The following PNMA1 variants were observed in gnomAD, a reference collection of about 807,000 sequenced individuals.
The protein encoded by PNMA1 is PNMA family member 1, also known as paraneoplastic antigen Ma1.
Under a neutral mutation model 26.1 loss-of-function variants are expected in PNMA1, and 21 were observed. The observed-to-expected ratio is 0.80, with a 90% CI of 0.57 to 1.16. The LOEUF (loss-of-function observed/expected upper bound fraction) is 1.16. Among genes scored for constraint, PNMA1 ranks in the 50% most tolerant of loss-of-function variants. The probability of loss-of-function intolerance (pLI) is 0.00; values close to 1 mark genes in which losing one functional copy is unlikely to be tolerated. For missense variants in PNMA1, 435 were observed against 437.3 expected, an observed-to-expected ratio of 0.99 and a Z score of 0.05; for synonymous variants, 189 against 177.3, an observed-to-expected ratio of 1.07 and a Z score of -0.52.
Position 73,713,069 on chromosome 14 carries a change from ACTC to A in PNMA1, c.568_570del (p.Glu190del), listed in dbSNP as rs1221561562. 6.2e-7 allele frequency: 1 copy of A among 1,613,488 alleles called. No homozygotes were observed. Among genetic ancestry groups the A allele is most frequent in the African/African-American group, 1.3e-5 (1 of 74,754 alleles). On this transcript the variant is annotated inframe_deletion, in exon 1 of 1. Coordinates refer to ENST00000316836, the MANE Select transcript of PNMA1 (RefSeq NM_006029.5). ...CTCTTTTCTACATCGGACACCTGCC[ACTC>A]CTCTAGGACCTCATTAGTGTGCTCC...
chr14:73,713,500 G>C lies in PNMA1; in HGVS notation c.140C>G (p.Ser47Cys). 1 of 1,614,170 alleles carries C rather than the reference G, an allele frequency of 6.2e-7. No homozygotes were observed. Among genetic ancestry groups the C allele is most frequent in the Non-Finnish European group, 8.5e-7 (1 of 1,180,034 alleles). Residue 47 changes from serine to cysteine, a missense_variant, in exon 1 of 1, where the codon TCC becomes TGC. By Grantham distance (112) the Ser-to-Cys change is moderately radical (BLOSUM62 -1). Coordinates refer to ENST00000316836, the MANE Select transcript of PNMA1 (RefSeq NM_006029.5). ...GAACATTCTCCCAAGCATTCGGTAG[G>C]AGACCTGGGGCATCGCAGCCTGGAG... ...ETLQAAMPQV[S>C]YRMLGRMFWR...
rs144269664 is a variant in PNMA1 at position 73,712,913 on chromosome 14, A to G, written c.727T>C (p.Ser243Pro). 6.2e-7 allele frequency: 1 copy of G among 1,614,188 alleles called. No homozygotes were observed. The highest frequency in any genetic ancestry group is 1.1e-5 in the South Asian group (1 of 91,088). The change falls in exon 1 of 1, where the codon TCT becomes CCT. Residue 243 changes from serine (S) to proline (P), a missense_variant. Ser to Pro is a moderately conservative substitution (Grantham distance 74). Coordinates refer to ENST00000316836, the MANE Select transcript of PNMA1 (RefSeq NM_006029.5). ...AGAAATTTGATCTGGGCATCCCTAG[A>G]GCTCTCAACGCTCCCAAACACCTGC... ...LEQVFGSVESSRDAQIKFLNT... is the reference protein window; with the variant it reads ...LEQVFGSVESPRDAQIKFLNT...
chr14:73,713,418 G>C lies in PNMA1; in HGVS notation c.222C>G (p.Tyr74Ter), dbSNP rs1357480430. The C allele has an allele frequency of 1.2e-6, 2 of 1,614,090 alleles. No homozygotes were observed. Among genetic ancestry groups the C allele is most frequent in the Non-Finnish European group, 1.7e-6 (2 of 1,179,998 alleles). ...ALLELTGAVDYAAIPREMPGK... is the reference protein window; with the variant it reads ...ALLELTGAVD ...CCGGCATCTCCCTGGGGATCGCGGC[G>C]TAATCTACAGCGCCAGTGAGCTCTA... is the stretch of plus-strand genomic sequence containing the variant. Residue 74 changes from tyrosine to a stop codon, truncating the protein, a stop_gained, in exon 1 of 1, where the codon TAC becomes TAG. Coordinates refer to ENST00000316836, the MANE Select transcript of PNMA1 (RefSeq NM_006029.5). LOFTEE classifies it high-confidence loss of function.
chr14:73,713,687 C>A lies in PNMA1; in HGVS notation c.-48G>T. On this transcript the variant is annotated 5_prime_UTR_variant, in exon 1 of 1. Transcript: ENST00000316836. ...AATTCTACCAACAGACTGTGGCTCACCGTGCTCCTGGCCTTAGAACAATAC... is the reference window on the plus strand; with the variant it reads ...AATTCTACCAACAGACTGTGGCTCAACGTGCTCCTGGCCTTAGAACAATAC... 2 of 1,533,462 alleles carry A rather than the reference C, an allele frequency of 1.3e-6. No homozygotes were observed. The highest frequency in any genetic ancestry group is 1.8e-6 in the Non-Finnish European group (2 of 1,129,444). The allele number at this position is 1,533,462 out of a possible 1,614,324, so 95.0% of individuals were successfully genotyped here. A position where few individuals can be genotyped will look rare whatever the true frequency, so the allele number is the denominator to read the frequency against.
rs928506842 is a variant in PNMA1, at chr14:73,713,540, C to T, written c.100G>A (p.Glu34Lys). ...WGIPVNCDEAEIEETLQAAMP... is the reference protein window; with the variant it reads ...WGIPVNCDEAKIEETLQAAMP... Reference sequence around the variant, plus strand: ...GCAGCCTGGAGGGTCTCTTCGATTTCAGCCTCATCACAGTTCACTGGGATG... The same window carrying T: ...GCAGCCTGGAGGGTCTCTTCGATTTTAGCCTCATCACAGTTCACTGGGATG... Residue 34 changes from glutamate to lysine, a missense_variant, in exon 1 of 1, where the codon GAA becomes AAA. By Grantham distance (56) the Glu-to-Lys change is moderately conservative. Coordinates refer to ENST00000316836, the MANE Select transcript of PNMA1 (RefSeq NM_006029.5). 3.7e-6 allele frequency: 6 copies of T among 1,614,142 alleles called. No homozygotes were observed. Among genetic ancestry groups the T allele is most frequent in the Non-Finnish European group, 5.1e-6 (6 of 1,180,008 alleles).
Position 73,713,366 on chromosome 14 carries a change from AT to A in PNMA1, c.273del (p.Leu91PhefsTer12). ...TCAGCATCAGAAGTTGGGGGCTTAA[AT>A]AACACTTTCCAGACCCCTCCTTTGC... is the stretch of plus-strand genomic sequence containing the variant. Reference protein sequence around the residue: ...MPGKGGVWKVLFKPPTSDAEF... With the variant: ...MPGKGGVWKVXFKPPTSDAEF... On this transcript the variant is annotated frameshift_variant, in exon 1 of 1. Transcript: ENST00000316836. LOFTEE classifies it high-confidence loss of function. The A allele has an allele frequency of 6.2e-7, 1 of 1,614,172 alleles. No individual in the cohort carries two copies. The highest frequency in any genetic ancestry group is 8.5e-7 in the Non-Finnish European group (1 of 1,180,048).
In PNMA1 at chr14:73,713,055, A is replaced by G. The variant is rs754181535; in HGVS notation, c.585T>C (p.Asp195=). ...CCATCAACCGCCGCCTCTTTTCTAC[A>G]TCGGACACCTGCCACTCCTCTAGGA... is the stretch of plus-strand genomic sequence containing the variant. ...NEVLEEWQVS[D]VEKRRRLMES... The change falls in exon 1 of 1, where the codon GAT becomes GAC. Residue 195 remains aspartate (D), a synonymous_variant. Transcript: ENST00000316836. The G allele has an allele frequency of 1.2e-6, 2 of 1,613,638 alleles. No individual in the cohort carries two copies. Among genetic ancestry groups the G allele is most frequent in the Admixed American group, 1.7e-5 (1 of 59,984 alleles).
Position 73,712,991 on chromosome 14 carries a change from G to C in PNMA1, c.649C>G (p.Leu217Val). 6.2e-7 allele frequency: 1 copy of C among 1,614,174 alleles called. No homozygotes were observed. The highest frequency in any genetic ancestry group is 8.5e-7 in the Non-Finnish European group (1 of 1,180,044). Residue 217 changes from leucine (L) to valine (V), a missense_variant, in exon 1 of 1, where the codon CTT becomes GTT. Coordinates refer to ENST00000316836, the MANE Select transcript of PNMA1 (RefSeq NM_006029.5). ...GTTATCGCGGGGTTGTTGGACTTAA[G>C]GATGCGAATAACATCAGCGGCGGGG... The part of the protein sequence containing the change: ...RGPAADVIRI[L>V]KSNNPAITTA...
Position 73,713,876 on chromosome 14 carries a change from T to C in PNMA1, c.-237A>G, listed in dbSNP as rs1260295343. 2.3e-6 allele frequency: 1 copy of C among 437,710 alleles called. No individual in the cohort carries two copies. Among genetic ancestry groups the C allele is most frequent in the South Asian group, 5.4e-5 (1 of 18,464 alleles). 27.1% of individuals were successfully genotyped at this position (437,710 alleles called of 1,614,324 possible). A position where few individuals can be genotyped will look rare whatever the true frequency, so the allele number is the denominator to read the frequency against. ...AGGCAGTCACGCGGCCGTCGCCATC[T>C]TGCGTCTGGGTCTGGGTCCGGTCGG... On this transcript the variant is annotated 5_prime_UTR_variant, in exon 1 of 1. Coordinates refer to ENST00000316836, the MANE Select transcript of PNMA1 (RefSeq NM_006029.5).
At position 73,713,171 on chromosome 14, in the gene PNMA1, A is replaced by G. The variant is rs757737473; in HGVS notation, c.469T>C (p.Trp157Arg). 6.2e-7 allele frequency: 1 copy of G among 1,614,008 alleles called. No individual in the cohort carries two copies. Among genetic ancestry groups the G allele is most frequent in the Non-Finnish European group, 8.5e-7 (1 of 1,179,974 alleles). The change falls in exon 1 of 1, where the codon TGG becomes CGG. Residue 157 changes from tryptophan to arginine, a missense_variant. Trp to Arg is a moderately radical substitution (Grantham distance 101). Transcript: ENST00000316836. ...NVIQPLVESI[W>R]YKRLTLFSGR... ...GAGAAAAGTGTCAGCCTCTTGTACC[A>G]TATGGACTCAACAAGAGGCTGAATA...
rs1775912861 is a variant in PNMA1, at chr14:73,713,210, T to C, written c.430A>G (p.Ile144Val). ...PEMPAEMLNY[I>V]LDNVIQPLVE... is the part of the protein sequence containing the mutation. The stretch of plus-strand genomic sequence containing the variant: ...AGAGGCTGAATAACATTATCCAAAA[T>C]ATAGTTTAGCATCTCTGCTGGCATC... Residue 144 changes from isoleucine to valine, a missense_variant, in exon 1 of 1, where the codon ATT becomes GTT. By Grantham distance (29) the Ile-to-Val change is conservative. Coordinates refer to ENST00000316836, the MANE Select transcript of PNMA1 (RefSeq NM_006029.5). 6.2e-7 allele frequency: 1 copy of C among 1,614,016 alleles called. No individual in the cohort carries two copies. The highest frequency in any genetic ancestry group is 8.5e-7 in the Non-Finnish European group (1 of 1,180,028).
In PNMA1 at chr14:73,712,674, A is replaced by G. The variant is rs2052828787; in HGVS notation, c.966T>C (p.Phe322=). The G allele has an allele frequency of 6.2e-7, 1 of 1,613,882 alleles. No homozygotes were observed. Among genetic ancestry groups the G allele is most frequent in the Non-Finnish European group, 8.5e-7 (1 of 1,179,902 alleles). The change falls in exon 1 of 1, where the codon TTT becomes TTC. Residue 322 remains phenylalanine, a synonymous_variant. Coordinates refer to ENST00000316836, the MANE Select transcript of PNMA1 (RefSeq NM_006029.5). ...CCTCACGGATCTGCACCAGCAACTG[A>G]AAGAGGTTTGGGGCTGGCCCTTCCC... ...GAGEGPAPNL[F]QLLVQIREEE...
rs770804924 is a variant in PNMA1, at chr14:73,713,298, C to A, written c.342G>T (p.Trp114Cys). The change falls in exon 1 of 1, where the codon TGG (tryptophan) becomes TGT (cysteine). Residue 114 changes from tryptophan (W) to cysteine (C), a missense_variant. Coordinates refer to ENST00000316836, the MANE Select transcript of PNMA1 (RefSeq NM_006029.5). ...RLHLFLAREG[W>C]TVQDVARVLG... is the part of the protein sequence containing the mutation. ...GGACACGGGCAACATCTTGCACGGT[C>A]CACCCCTCTCTAGCTAGGAAGAGGT... The A allele has an allele frequency of 3.1e-6, 5 of 1,614,060 alleles. No homozygotes were observed. The highest frequency in any genetic ancestry group is 4.2e-6 in the Non-Finnish European group (5 of 1,180,034).
In PNMA1 at chr14:73,713,750, T is replaced by C; in HGVS notation, c.-111A>G. 1.0e-6 allele frequency: 1 copy of C among 962,118 alleles called. No homozygotes were observed. Among genetic ancestry groups the C allele is most frequent in the Non-Finnish European group, 1.6e-6 (1 of 629,062 alleles). The allele number at this position is 962,118 out of a possible 1,614,324, so 59.6% of individuals were successfully genotyped here. On this transcript the variant is annotated 5_prime_UTR_variant, in exon 1 of 1. Coordinates refer to ENST00000316836, the MANE Select transcript of PNMA1 (RefSeq NM_006029.5). ...CCAAGTAGGCCCGAGGGAGGCGACC[T>C]TCATGCAGTCACGATTAACAAAGAC...
rs1192287337 is a variant in PNMA1, at chr14:73,714,121, G to A, written c.-482C>T. 1.8e-5 allele frequency: 3 copies of A among 168,214 alleles called. No individual in the cohort carries two copies. The highest frequency in any genetic ancestry group is 2.9e-5 in the Non-Finnish European group (2 of 69,298). 10.4% of individuals were successfully genotyped at this position (168,214 alleles called of 1,614,324 possible). On this transcript the variant is annotated 5_prime_UTR_variant, in exon 1 of 1. Transcript: ENST00000316836. ...GGCCGTTTGGGAGACTAGCCAGAGGGAGAAACTGTGCCGAAGTCGCGGCGG... is the reference window on the plus strand; with the variant it reads ...GGCCGTTTGGGAGACTAGCCAGAGGAAGAAACTGTGCCGAAGTCGCGGCGG...
chr14:73,713,584 C>T lies in PNMA1; in HGVS notation c.56G>A (p.Arg19Lys). ...TGGGATGCCCCAGACTAACAGAGCT[C>T]TCTGGGAGTTCACATCCATCCCCCG... is the stretch of plus-strand genomic sequence containing the variant. ...WCRGMDVNSQ[R>K]ALLVWGIPVN... The change falls in exon 1 of 1, where the codon AGA (arginine) becomes AAA (lysine). Residue 19 changes from arginine to lysine, a missense_variant. Coordinates refer to ENST00000316836, the MANE Select transcript of PNMA1 (RefSeq NM_006029.5). 1 of 1,613,630 alleles carries T rather than the reference C, an allele frequency of 6.2e-7. No homozygotes were observed. The highest frequency in any genetic ancestry group is 8.5e-7 in the Non-Finnish European group (1 of 1,179,720).
At position 73,713,306 on chromosome 14, in the gene PNMA1, C is replaced by T; in HGVS notation, c.334G>A (p.Glu112Lys). ...GCAACATCTTGCACGGTCCACCCCTCTCTAGCTAGGAAGAGGTGCAATCTT... is the reference window on the plus strand; with the variant it reads ...GCAACATCTTGCACGGTCCACCCCTTTCTAGCTAGGAAGAGGTGCAATCTT... ...LERLHLFLAR[E>K]GWTVQDVARV... The change falls in exon 1 of 1, where the codon GAG becomes AAG. Residue 112 changes from glutamate to lysine, a missense_variant. Physicochemically the swap from Glu to Lys is moderately conservative, Grantham distance 56. Coordinates refer to ENST00000316836, the MANE Select transcript of PNMA1 (RefSeq NM_006029.5). 1 of 1,614,222 alleles carries T rather than the reference C, an allele frequency of 6.2e-7. No homozygotes were observed. The highest frequency in any genetic ancestry group is 8.5e-7 in the Non-Finnish European group (1 of 1,180,046).
rs149833951 is a variant in PNMA1 at position 73,713,443 on chromosome 14, A to G, written c.197T>C (p.Leu66Ser). 4.6e-5 allele frequency: 74 copies of G among 1,614,022 alleles called. No homozygotes were observed. The highest frequency in any genetic ancestry group is 5.3e-5 in the Non-Finnish European group (63 of 1,180,014). ...GTAATCTACAGCGCCAGTGAGCTCT[A>G]ATAAGGCTGCTTTCGCATTTTCTTC... ...WREENAKAALLELTGAVDYAA... is the reference protein window; with the variant it reads ...WREENAKAALSELTGAVDYAA... The change falls in exon 1 of 1, where the codon TTA becomes TCA. Residue 66 changes from leucine to serine, a missense_variant. By Grantham distance (145) the Leu-to-Ser change is moderately radical. Coordinates refer to ENST00000316836, the MANE Select transcript of PNMA1 (RefSeq NM_006029.5).
rs1054206693 is a variant in PNMA1 at position 73,712,511 on chromosome 14, A to G, written c.*67T>C. 7.2e-6 allele frequency: 8 copies of G among 1,104,150 alleles called. No homozygotes were observed. The highest frequency in any genetic ancestry group is 4.5e-5 in the Admixed American group (2 of 44,322). The allele number at this position is 1,104,150 out of a possible 1,614,324, so 68.4% of individuals were successfully genotyped here. A position where few individuals can be genotyped will look rare whatever the true frequency, so the allele number is the denominator to read the frequency against. The stretch of plus-strand genomic sequence containing the variant: ...CTTTACTACTCAGAGACACATCTGT[A>G]AGACCCCACAGGGACAAGAAAAGTA... On this transcript the variant is annotated 3_prime_UTR_variant, in exon 1 of 1. Coordinates refer to ENST00000316836, the MANE Select transcript of PNMA1 (RefSeq NM_006029.5).
Sources: allele counts gnomAD v4.1 joint callset, GRCh38; gene constraint gnomAD v4.1.1; transcripts MANE v1.5; gene names NCBI Gene and HGNC (gene_info 2026-07-23, HGNC 2026-07-21).